Variants in MACROD2 observed in about 807,000 individuals in gnomAD.
MACROD2 encodes mono-ADP ribosylhydrolase 2.
In MACROD2, 36 loss-of-function variants were observed where a neutral mutation model predicts 70.4. The ratio of observed to expected loss-of-function variants is 0.51; its 90% CI spans 0.39 to 0.68. The LOEUF (loss-of-function observed/expected upper bound fraction) is 0.68, where lower values mean the gene tolerates loss of function less well. Among genes scored for constraint, MACROD2 ranks in the 30% least tolerant of loss-of-function variants. The pLI is 0.00. For synonymous variants in MACROD2, 172 were observed against 178.8 expected, an observed-to-expected ratio of 0.96 and a Z score of 0.30; for missense variants, 496 against 538.4, an observed-to-expected ratio of 0.92 and a Z score of 0.78.
intron 3 of MACROD2, among the ~76,000 whole-genome samples, chr20:14,089,480 G>A (rs2054120651): frequency 2.6e-5 from 4 of 152,082 alleles, no homozygotes; most frequent in Admixed American, 2.6e-4. Context: ...TTAGTACATT[G>A]GAACACCTGG....
chr20:15,367,398 A>T (rs2045426598), intron 6 of MACROD2, among the ~76,000 whole-genome samples: 1 of 152,218 alleles, frequency 6.6e-6, no homozygotes, highest in African/African-American at 2.4e-5. Context: ...ATTGTAATAA[A>T]TTCTCTTGGG....
At chr20:14,671,164 A>G (rs921285121) in intron 4 of MACROD2, among the ~76,000 whole-genome samples, 1 of 152,164 alleles carries the variant, frequency 6.6e-6, no homozygotes, top group African/African-American at 2.4e-5. Context: ...GGCAACCACC[A>G]ATCTATGTCA....
intron 8 of MACROD2, among the ~76,000 whole-genome samples, chr20:15,795,596 C>T (rs6131710): frequency 0.46 from 69,873 of 151,952 alleles, 16,641 homozygotes; most frequent in African/African-American, 0.59. Flanking sequence ...CATGGCTTCT[C>T]TCTCAGTGAA....
intron 3 of MACROD2, among the ~76,000 whole-genome samples, chr20:14,424,242 A>G (rs992712574): frequency 3.3e-5 from 5 of 152,160 alleles, no homozygotes; most frequent in Admixed American, 2.6e-4. Context: ...TATTTTTTGT[A>G]TAAAATTAAG....
chr20:14,394,466 C>T (rs978540590), intron 3 of MACROD2, among the ~76,000 whole-genome samples: 1 of 152,150 alleles, frequency 6.6e-6, no homozygotes, highest in African/African-American at 2.4e-5. Flanking sequence ...AATTGCAACC[C>T]TGCTAAGCTT....
At chr20:15,953,884 T>C (rs992760608) in intron 12 of MACROD2, among the ~76,000 whole-genome samples, 2 of 152,156 alleles carry the variant, frequency 1.3e-5, no homozygotes, top group Middle Eastern at 3.2e-3. Flanking sequence ...AATTAATAAA[T>C]GAGAATGTCA....
chr20:15,790,003 ATTC>A (rs1234447888), intron 8 of MACROD2, among the ~76,000 whole-genome samples: 1 of 152,004 alleles, frequency 6.6e-6, no homozygotes, highest in Non-Finnish European at 1.5e-5. Flanking sequence ...CAAAGGGAGA[ATTC>A]TTCTGAAATT....
At chr20:15,088,087 T>G (rs564120686) in intron 5 of MACROD2, among the ~76,000 whole-genome samples, 1 of 152,056 alleles carries the variant, frequency 6.6e-6, no homozygotes, top group South Asian at 2.1e-4. Context: ...TTTAAAACAT[T>G]GCAAATTAAT....
intron 8 of MACROD2, among the ~76,000 whole-genome samples, chr20:15,550,618 A>G (rs892871991): frequency 3.3e-5 from 5 of 152,152 alleles, no homozygotes; most frequent in African/African-American, 1.2e-4. Flanking sequence ...CACTGTGCAA[A>G]TATTCAGTTC....
chr20:14,485,333 A>G (rs1271525844), intron 3 of MACROD2, among the ~76,000 whole-genome samples: 2 of 152,176 alleles, frequency 1.3e-5, no homozygotes, highest in Non-Finnish European at 2.9e-5. Flanking sequence ...TATATTGATA[A>G]AAGAGAAATT....
chr20:15,967,695 A>AC (rs2066164568), intron 13 of MACROD2, 65 bp downstream of exon 13: 9 of 1,406,306 alleles, frequency 6.4e-6, no homozygotes, highest in Non-Finnish European at 8.7e-6. Flanking sequence ...AAAAAAAAAA[A>AC]AAAAAACCCA....
At chr20:15,011,529 C>T (rs2075082550) in intron 5 of MACROD2, among the ~76,000 whole-genome samples, 1 of 152,078 alleles carries the variant, frequency 6.6e-6, no homozygotes, top group African/African-American at 2.4e-5. Flanking sequence ...ACTCTTTGTT[C>T]CCCCAAGTTC....
intron 6 of MACROD2, among the ~76,000 whole-genome samples, chr20:15,402,099 C>T (rs2045938183): frequency 6.6e-6 from 1 of 152,160 alleles, no homozygotes; most frequent in Non-Finnish European, 1.5e-5. Flanking sequence ...TGGTAACCTC[C>T]CTTGAAAAGA....
At chr20:15,157,327 C>A (rs2076313798) in intron 5 of MACROD2, among the ~76,000 whole-genome samples, 1 of 150,422 alleles carries the variant, frequency 6.6e-6, no homozygotes, top group Non-Finnish European at 1.5e-5. Context: ...GCTTTCATGA[C>A]CTCATCTAAA....
chr20:15,235,941 C>A (rs551824234), intron 6 of MACROD2, among the ~76,000 whole-genome samples: 3 of 152,154 alleles, frequency 2.0e-5, no homozygotes, highest in Admixed American at 6.5e-5. Context: ...TCACCTGTCT[C>A]ATTTTCTCAT....
At chr20:15,539,096 C>T (rs761586619) in intron 8 of MACROD2, among the ~76,000 whole-genome samples, 9 of 151,912 alleles carry the variant, frequency 5.9e-5, no homozygotes, top group South Asian at 4.1e-4. Flanking sequence ...TTTCTGAGTA[C>T]GTAACTCTTG....
At chr20:14,428,816 A>C (rs1600228720) in intron 3 of MACROD2, among the ~76,000 whole-genome samples, 1 of 152,294 alleles carries the variant, frequency 6.6e-6, no homozygotes, top group Middle Eastern at 3.4e-3. Context: ...AGAATGAATA[A>C]GAACTTTCAT....
In MACROD2 at chr20:15,654,162, A is replaced by G. The variant is rs548310343; in HGVS notation, c.645+154315A>G. On this transcript the variant is annotated intron_variant, in intron 8 of 17. Coordinates refer to ENST00000684519, the MANE Select transcript of MACROD2 (RefSeq NM_001351661.2). ...AAAAGGCTAAATCAATAGGGTTATA[A>G]AAGCACATACCATGCAGAAGTTCAG... 4.6e-5 allele frequency among the ~76,000 whole-genome samples: 7 copies of G among 152,314 alleles called. No individual in the cohort carries two copies. In the South Asian group the frequency reaches 8.3e-4, roughly 18 times the overall value.
intron 8 of MACROD2, among the ~76,000 whole-genome samples, chr20:15,782,539 A>G (rs1329057619): frequency 6.6e-6 from 1 of 152,000 alleles, no homozygotes; most frequent in African/African-American, 2.4e-5. Context: ...AGCCTGGACA[A>G]CATGGCAGCT....
Sources: gnomAD v4.1 joint callset for allele counts (sites outside exome capture counted in the v4.1 genomes callset) on GRCh38, gnomAD v4.1.1 for gene constraint, MANE v1.5 for transcripts, NCBI Gene and HGNC (gene_info 2026-07-23, HGNC 2026-07-21) for gene names.